Variants in FRMD8 observed in about 807,000 individuals in gnomAD.
The protein encoded by FRMD8 is FERM domain-containing protein 8.
A neutral mutation model predicts 54.2 loss-of-function variants in FRMD8; 37 were observed. That is an observed-to-expected ratio of 0.68 (90% CI 0.53 to 0.90). FRMD8 has a LOEUF of 0.90. Ranked by LOEUF, FRMD8 falls within the 40% of genes least tolerant of loss-of-function variation. FRMD8 has a pLI of 0.00. For synonymous variants in FRMD8, 246 were observed against 286.9 expected (o/e 0.86, Z 1.44); for missense variants, 585 against 653.7 (o/e 0.89, Z 1.15).
intron 2 of FRMD8, chr11:65,387,324 G>A (rs1855753922): frequency 1.5e-6 from 1 of 666,354 alleles, no homozygotes; most frequent in Non-Finnish European, 2.7e-6. Flanking sequence ...GCTCTCATTT[G>A]TAAAATGAGC....
intron 5 of FRMD8, 32 bp from the exon 6 acceptor site, chr11:65,394,227 T>TGAGC: frequency 6.3e-7 from 1 of 1,593,452 alleles, no homozygotes; most frequent in Non-Finnish European, 8.5e-7. Context: ...CCAGCCCAGC[T>TGAGC]GAGCGGCTGT....
the FRMD8 span, among the ~76,000 whole-genome samples, chr11:65,374,445 A>G: frequency 6.9e-6 from 1 of 145,662 alleles, no homozygotes; most frequent in African/African-American, 2.5e-5. Flanking sequence ...GACAAGTTAC[A>G]TAATGTCTCT....
the FRMD8 span, chr11:65,381,067 CTT>C: frequency 6.5e-6 from 1 of 154,642 alleles, no homozygotes; most frequent in Non-Finnish European, 1.4e-5. Flanking sequence ...GCCTTCCTCT[CTT>C]CTTCCCATCG....
At chr11:65,396,000 C>G (rs893653971) in intron 6 of FRMD8, among the ~76,000 whole-genome samples, 1 of 152,230 alleles carries the variant, frequency 6.6e-6, no homozygotes, top group African/African-American at 2.4e-5. Context: ...CCCTGTGTGT[C>G]TGTGTGCCCT....
chr11:65,406,697 T>C (rs1249026504), intron 10 of FRMD8, among the ~76,000 whole-genome samples: 2 of 151,922 alleles, frequency 1.3e-5, no homozygotes, highest in African/African-American at 4.8e-5. Context: ...CCTAGCACAT[T>C]GGGAGACCAA....
At chr11:65,406,050 C>T (rs961045546) in intron 10 of FRMD8, among the ~76,000 whole-genome samples, 2 of 151,700 alleles carry the variant, frequency 1.3e-5, no homozygotes, top group Admixed American at 6.6e-5. Flanking sequence ...ATTTTTGAGA[C>T]GGAGTCTCAC....
the FRMD8 span, among the ~76,000 whole-genome samples, chr11:65,371,576 C>T: frequency 8.5e-5 from 13 of 152,316 alleles, no homozygotes; most frequent in East Asian, 1.2e-3. Context: ...TAAGCAATTT[C>T]GCATGCCTTA....
chr11:65,394,534 G>T lies in FRMD8; in HGVS notation c.581+109G>T, dbSNP rs192622777. On this transcript the variant is annotated intron_variant, in intron 6 of 10. Transcript: ENST00000317568. ...CGCAAGGTGGGGGCAGGGTCCTGGA[G>T]TCAGGAGGCCTCAGCCCCGCAGGCT... 129 of 1,351,002 alleles carry T rather than the reference G, an allele frequency of 9.5e-5. No individual in the cohort carries two copies. In the Admixed American group the frequency reaches 1.2e-3, roughly 13 times the overall value. The allele number at this position is 1,351,002 out of a possible 1,614,324, so 83.7% of individuals were successfully genotyped here.
At chr11:65,387,263 T>A in intron 2 of FRMD8, 142 bp downstream of exon 2, 2 of 794,358 alleles carry the variant, frequency 2.5e-6, no homozygotes, top group Non-Finnish European at 4.3e-6. Context: ...TGTGGAAAAC[T>A]CACAGAAGTC....
chr11:65,397,086 GCTGCCAGTGAGCCCA>G (rs1369452843), intron 7 of FRMD8, 66 bp downstream of exon 7: 2 of 916,122 alleles, frequency 2.2e-6, no homozygotes, highest in Non-Finnish European at 3.1e-6. Context: ...TGCTAGCACA[GCTGCCAGTGAGCCCA>G]CCTCTGCTCC....
chr11:65,408,282 C>T (rs1856252869), intron 10 of FRMD8, among the ~76,000 whole-genome samples: 1 of 151,976 alleles, frequency 6.6e-6, no homozygotes, highest in Admixed American at 6.6e-5. Flanking sequence ...CCATGTTGGT[C>T]AGGCTGGTCT....
At chr11:65,371,884 G>C in the FRMD8 span, among the ~76,000 whole-genome samples, 1 of 152,030 alleles carries the variant, frequency 6.6e-6, no homozygotes, top group African/African-American at 2.4e-5. Flanking sequence ...AAAGTGCTGA[G>C]ATTACAGGCA....
At position 65,394,406 on chromosome 11, in the gene FRMD8, C is replaced by G. The variant is rs1437304482; in HGVS notation, c.562C>G (p.Pro188Ala). The part of the protein sequence containing the change: ...VQLGPYQPGR[P>A]AACDLREKLD... Reference sequence around the variant, plus strand: ...GCTTGGGCCCTACCAGCCCGGCCGGCCGGCAGCCTGCGACCTGAGGTGAGG... The same window carrying G: ...GCTTGGGCCCTACCAGCCCGGCCGGGCGGCAGCCTGCGACCTGAGGTGAGG... The change falls in exon 6 of 11, where the codon CCG becomes GCG. Residue 188 changes from proline to alanine, a missense_variant. Transcript: ENST00000317568. 1 of 1,568,756 alleles carries G rather than the reference C, an allele frequency of 6.4e-7. No homozygotes were observed. Among genetic ancestry groups the G allele is most frequent in the South Asian group, 1.2e-5 (1 of 86,210 alleles).
chr11:65,394,818 C>T lies in FRMD8; in HGVS notation c.581+393C>T, dbSNP rs369474173. Among the ~76,000 whole-genome samples, 3 of 152,342 alleles carry T rather than the reference C, an allele frequency of 2.0e-5. No individual in the cohort carries two copies. In the South Asian group the frequency reaches 6.2e-4, roughly 32 times the overall value. On this transcript the variant is annotated intron_variant, in intron 6 of 10. Transcript: ENST00000317568. ...GGTCGGCAAGCTGGCTGTCCACCTC[C>T]CAGCCCTCTCCAGGAGCCGAGTTCT...
At chr11:65,399,951 G>A (rs1856037427) in intron 8 of FRMD8, 92 bp downstream of exon 8, 1 of 1,474,490 alleles carries the variant, frequency 6.8e-7, no homozygotes. Context: ...GGGGCCTGGG[G>A]GCAAGGTGGA....
chr11:65,369,304 G>T, the FRMD8 span, among the ~76,000 whole-genome samples: 1 of 152,046 alleles, frequency 6.6e-6, no homozygotes, highest in Admixed American at 6.6e-5. Flanking sequence ...GGCATGTGCG[G>T]CTGGGCACAG....
chr11:65,380,188 G>A, the FRMD8 span: 2 of 1,614,082 alleles, frequency 1.2e-6, no homozygotes, highest in Non-Finnish European at 1.7e-6. Context: ...GTGGTGACAA[G>A]AGGGTGCTAT....
At position 65,411,415 on chromosome 11, in the gene FRMD8, C is replaced by T; in HGVS notation, c.*55C>T. 2.5e-6 allele frequency: 3 copies of T among 1,221,670 alleles called. No homozygotes were observed. The highest frequency in any genetic ancestry group is 2.7e-5 in the East Asian group (1 of 36,678). 75.7% of individuals were successfully genotyped at this position (1,221,670 alleles called of 1,614,324 possible). A position where few individuals can be genotyped will look rare whatever the true frequency, so the allele number is the denominator to read the frequency against. ...CTGGGGGCCCTGGCCCGGCACTGTC[C>T]TCCTGAGGGGCAGGCGCCGGCTGCA... On this transcript the variant is annotated 3_prime_UTR_variant, in exon 11 of 11. Transcript: ENST00000317568.
At chr11:65,393,488 G>A (rs1014784756) in intron 3 of FRMD8, 85 bp from the exon 4 acceptor site, 26 of 997,584 alleles carry the variant, frequency 2.6e-5, no homozygotes, top group Admixed American at 5.3e-5. Flanking sequence ...TGCGACTGTC[G>A]TCATGCTGTG....
Sources: gnomAD v4.1 joint callset for allele counts (sites outside exome capture counted in the v4.1 genomes callset) on GRCh38, gnomAD v4.1.1 for gene constraint, MANE v1.5 for transcripts, NCBI Gene and HGNC (gene_info 2026-07-23, HGNC 2026-07-21) for gene names.